Variants in CTC1 observed in about 807,000 individuals in gnomAD.
CTC1 encodes CST complex subunit CTC1.
CTC1 carries 91 observed loss-of-function variants against 136.3 expected under a neutral mutation model. The ratio of observed to expected loss-of-function variants is 0.67; its 90% CI spans 0.56 to 0.79. The LOEUF (loss-of-function observed/expected upper bound fraction) is 0.79. CTC1 is among the 30% of genes least tolerant of loss of function. The pLI, the probability that CTC1 is intolerant of heterozygous loss-of-function variation, is 0.00. For synonymous variants in CTC1, 606 were observed against 613.8 expected, an observed-to-expected ratio of 0.99 and a Z score of 0.19; for missense variants, 1,432 against 1,498.1, an observed-to-expected ratio of 0.96 and a Z score of 0.73.
chr17:8,229,137 C>T lies in CTC1; in HGVS notation c.3221+5G>A. ...GCACAATGGGTGCACGCCTTGTGCT[C>T]TCACCTGATGATGGCCTGGCTTATA... On this transcript the variant is annotated splice_donor_5th_base_variant and intron_variant, in intron 20 of 22. Transcript: ENST00000651323. 1.9e-6 allele frequency: 3 copies of T among 1,613,560 alleles called. No homozygotes were observed. Among genetic ancestry groups the T allele is most frequent in the Non-Finnish European group, 2.5e-6 (3 of 1,179,980 alleles).
chr17:8,243,783 C>T (rs113279794), intron 1 of CTC1, among the ~76,000 whole-genome samples: 2,054 of 152,046 alleles, frequency 0.014, 18 homozygotes, highest in Middle Eastern at 0.051. Flanking sequence ...TCATAAAGAA[C>T]AGGACAGGCT....
At chr17:8,235,725 T>C (rs974963146) in intron 7 of CTC1, 106 bp downstream of exon 7, 2 of 1,301,056 alleles carry the variant, frequency 1.5e-6, no homozygotes, top group Non-Finnish European at 1.0e-6. Flanking sequence ...ACACACACTT[T>C]TAATTTCTAT....
intron 15 of CTC1, 37 bp downstream of exon 15, chr17:8,231,239 T>A: frequency 2.1e-6 from 3 of 1,456,112 alleles, no homozygotes; most frequent in South Asian, 1.5e-5. Flanking sequence ...GAAGAGAGAG[T>A]GGCCAAATTA....
chr17:8,228,594 G>A lies in CTC1; in HGVS notation c.3423C>T (p.Phe1141=), dbSNP rs1434006841. Residue 1141 remains phenylalanine (F), a synonymous_variant, in exon 22 of 23, where the codon TTC becomes TTT. Transcript: ENST00000651323. ...AGGGGCTAGTACAAAGTGTCCAGAG[G>A]AACATGGTCATGGGCTCGTCAACCC... ...SARVDEPMTM[F]LWTLCTSPSV... is the part of the protein sequence containing the mutation. The A allele has an allele frequency of 1.2e-6, 2 of 1,614,164 alleles. No individual in the cohort carries two copies. The highest frequency in any genetic ancestry group is 8.5e-7 in the Non-Finnish European group (1 of 1,180,028).
rs183957999 is a variant in CTC1 at position 8,246,935 on chromosome 17, C to T, written c.33+1069G>A. ...ACACACACACACACACGCACACAAA[C>T]CAATCCTTTAGATTGTATTTTCTTA... On this transcript the variant is annotated intron_variant, in intron 1 of 22. Transcript: ENST00000651323. 6.1e-3 allele frequency among the ~76,000 whole-genome samples: 924 copies of T among 151,316 alleles called. 4 individuals are homozygous for T. The highest frequency in any genetic ancestry group is 0.01 in the Non-Finnish European group (691 of 67,820).
At chr17:8,243,557 T>A (rs372063688) in intron 1 of CTC1, among the ~76,000 whole-genome samples, 1 of 150,522 alleles carries the variant, frequency 6.6e-6, no homozygotes, top group Non-Finnish European at 1.5e-5. Flanking sequence ...AGAGGGCACA[T>A]GAAATGAAGA....
chr17:8,239,232 A>T (rs1988017232), intron 2 of CTC1, among the ~76,000 whole-genome samples: 1 of 152,144 alleles, frequency 6.6e-6, no homozygotes, highest in African/African-American at 2.4e-5. Flanking sequence ...GCCTGAGGAA[A>T]TGAATGTGTG....
At chr17:8,242,356 G>A (rs1988300196) in intron 2 of CTC1, among the ~76,000 whole-genome samples, 1 of 151,642 alleles carries the variant, frequency 6.6e-6, no homozygotes, top group Middle Eastern at 3.2e-3. Flanking sequence ...TCTATGAGGA[G>A]ATAAATAGGT....
In CTC1 at chr17:8,227,051, T is replaced by A. The variant is rs370571497; in HGVS notation, c.*1129A>T. The A allele has an allele frequency of 2.6e-5, 4 of 152,496 alleles. No homozygotes were observed. Among genetic ancestry groups the A allele is most frequent in the Non-Finnish European group, 5.9e-5 (4 of 68,042 alleles). 9.4% of individuals were successfully genotyped at this position (152,496 alleles called of 1,614,324 possible). A position where few individuals can be genotyped will look rare whatever the true frequency, so the allele number is the denominator to read the frequency against. ...TTATTAGCACCACGCTCTAACCAAC[T>A]GAGCTAACCGGCCACTAACTTTCCG... On this transcript the variant is annotated 3_prime_UTR_variant, in exon 23 of 23. Transcript: ENST00000651323.
Position 8,235,864 on chromosome 17 carries a change from A to G in CTC1, c.1173T>C (p.Leu391=). 2 of 1,613,690 alleles carry G rather than the reference A, an allele frequency of 1.2e-6. No individual in the cohort carries two copies. Among genetic ancestry groups the G allele is most frequent in the Middle Eastern group, 3.3e-4 (2 of 6,060 alleles). ...ACACTCCAGGTCGCATCACCCGCCT[A>G]AGGCCACGGAACTGCTGGTAGGCAA... ...LCLAYQQFRG[L]RRVMRPGVCL... is the part of the protein sequence containing the mutation. Residue 391 remains leucine, a synonymous_variant, in exon 7 of 23, where the codon CTT becomes CTC. Transcript: ENST00000651323.
rs1567612426 is a variant in CTC1, at chr17:8,237,360, G to A, written c.792+15C>T. On this transcript the variant is annotated intron_variant, in intron 5 of 22. Transcript: ENST00000651323. ...CCTCCCCCACTTCCATGGCTGAAAT[G>A]ACCCCAGTCCTCACCTGCACGATGA... 1 of 1,612,906 alleles carries A rather than the reference G, an allele frequency of 6.2e-7. No homozygotes were observed. The highest frequency in any genetic ancestry group is 8.5e-7 in the Non-Finnish European group (1 of 1,179,234).
intron 11 of CTC1, 68 bp from the exon 12 acceptor site, chr17:8,232,543 T>C (rs1987334974): frequency 3.8e-6 from 5 of 1,319,370 alleles, no homozygotes; most frequent in Non-Finnish European, 5.4e-6. Flanking sequence ...AGGCAAACCA[T>C]CCTACCGGCC....
intron 1 of CTC1, among the ~76,000 whole-genome samples, chr17:8,246,960 A>G (rs1988774616): frequency 6.9e-6 from 1 of 144,694 alleles, no homozygotes; most frequent in Admixed American, 7.0e-5. Flanking sequence ...GTATTTTCTT[A>G]ACATCTTATT....
chr17:8,237,422 G>A lies in CTC1; in HGVS notation c.745C>T (p.Leu249Phe), dbSNP rs1987824590. The stretch of plus-strand genomic sequence containing the variant: ...GTGACAGCTGGGTGTGATCTACCAA[G>A]AGACAGGATGAAGTAAGCTTTCTGT... ...SKQKAYFILS[L>F]GRSHPAVTHV... Residue 249 changes from leucine to phenylalanine, a missense_variant, in exon 5 of 23, where the codon CTT becomes TTT. Leu to Phe is a conservative substitution (Grantham distance 22). Coordinates refer to ENST00000651323, the MANE Select transcript of CTC1 (RefSeq NM_025099.6). 6.2e-7 allele frequency: 1 copy of A among 1,614,016 alleles called. No individual in the cohort carries two copies. The highest frequency in any genetic ancestry group is 8.5e-7 in the Non-Finnish European group (1 of 1,180,004).
intron 2 of CTC1, among the ~76,000 whole-genome samples, chr17:8,240,247 C>T (rs903654840): frequency 6.6e-6 from 1 of 151,508 alleles, no homozygotes; most frequent in Non-Finnish European, 1.5e-5. Context: ...CTCCGCCTGC[C>T]GGGTTCAAGC....
rs750387015 is a variant in CTC1 at position 8,231,784 on chromosome 17, C to T, written c.2417G>A (p.Arg806His). Residue 806 changes from arginine (R) to histidine (H), a missense_variant, in exon 14 of 23, where the codon CGC becomes CAC. Arg to His is a conservative substitution (Grantham distance 29). Coordinates refer to ENST00000651323, the MANE Select transcript of CTC1 (RefSeq NM_025099.6). ...TCCCGGGTGCAAGAACTCAAACCAG[C>T]GGACTGAAGAGCCAAAGAAAATGAG... Reference protein sequence around the residue: ...VHLIFFGSSVRWFEFLHPGQV... With the variant: ...VHLIFFGSSVHWFEFLHPGQV... The T allele has an allele frequency of 8.1e-6, 13 of 1,614,156 alleles. No individual in the cohort carries two copies. Among genetic ancestry groups the T allele is most frequent in the African/African-American group, 2.7e-5 (2 of 75,038 alleles).
At chr17:8,238,776 A>C (rs2151532843) in intron 2 of CTC1, 147 bp from the exon 3 acceptor site, 1 of 588,434 alleles carries the variant, frequency 1.7e-6, no homozygotes, top group Non-Finnish European at 2.9e-6. Flanking sequence ...AAGGGGTAAA[A>C]CCTGGGGCTA....
At position 8,229,955 on chromosome 17, in the gene CTC1, A is replaced by G. The variant is rs1474044192; in HGVS notation, c.2947T>C (p.Tyr983His). The G allele has an allele frequency of 1.2e-6, 2 of 1,614,118 alleles. No homozygotes were observed. The highest frequency in any genetic ancestry group is 1.7e-6 in the Non-Finnish European group (2 of 1,180,014). Reference protein sequence around the residue: ...EKRVSRSHNVYCCFRSSTYVQ... With the variant: ...EKRVSRSHNVHCCFRSSTYVQ... The stretch of plus-strand genomic sequence containing the variant: ...TAAGTGGATGACCGGAAACAACAAT[A>G]AACATTGTGAGATCTGCAAGTGGAA... Residue 983 changes from tyrosine (Y) to histidine (H), a missense_variant, in exon 18 of 23, where the codon TAT becomes CAT. Physicochemically the swap from Tyr to His is moderately conservative, Grantham distance 83. Transcript: ENST00000651323.
At position 8,235,113 on chromosome 17, in the gene CTC1, C is replaced by G. The variant is rs200619397; in HGVS notation, c.1379G>C (p.Arg460Pro). Residue 460 changes from arginine (R) to proline (P), a missense_variant, in exon 8 of 23, where the codon CGT becomes CCT. Physicochemically the swap from Arg to Pro is moderately radical, Grantham distance 103. Coordinates refer to ENST00000651323, the MANE Select transcript of CTC1 (RefSeq NM_025099.6). The stretch of plus-strand genomic sequence containing the variant: ...CAGGTAGAGGGGAAGTCCTAACTGA[C>G]GTTCCCACACCAGCTGCTCGTACAG... Reference protein sequence around the residue: ...ASLYEQLVWERQLGLPLYLWA... With the variant: ...ASLYEQLVWEPQLGLPLYLWA... 6.2e-7 allele frequency: 1 copy of G among 1,614,162 alleles called. No homozygotes were observed.
Sources: allele counts gnomAD v4.1 joint callset (sites outside exome capture counted in the v4.1 genomes callset), GRCh38; gene constraint gnomAD v4.1.1; transcripts MANE v1.5; gene names NCBI Gene and HGNC (gene_info 2026-07-23, HGNC 2026-07-21).